NFIB: variants seen among roughly 807,000 people sequenced by gnomAD.
NFIB encodes nuclear factor I B.
In NFIB, 11 loss-of-function variants were observed where a neutral mutation model predicts 61.5. The observed-to-expected ratio is 0.18, with a 90% CI of 0.11 to 0.30. The LOEUF is 0.30. NFIB is among the 10% of genes least tolerant of loss of function. The pLI is 1.00. For synonymous variants in NFIB, 260 were observed against 216.5 expected, an observed-to-expected ratio of 1.20 and a Z score of -1.76; for missense variants, 471 against 608.9, an observed-to-expected ratio of 0.77 and a Z score of 2.38.
chr9:14,181,474 A>C (rs1445999445), intron 2 of NFIB, among the ~76,000 whole-genome samples: 3 of 152,202 alleles, frequency 2.0e-5, no homozygotes, highest in African/African-American at 7.2e-5. Context: ...TTCTGAAATC[A>C]AGGCAAGATT....
chr9:14,444,397 A>C, the NFIB span, among the ~76,000 whole-genome samples: 1 of 152,196 alleles, frequency 6.6e-6, no homozygotes, highest in African/African-American at 2.4e-5. Flanking sequence ...TCTAGAAGGT[A>C]ATGGCTAGAA....
the NFIB span, among the ~76,000 whole-genome samples, chr9:14,511,871 A>C: frequency 6.6e-6 from 1 of 152,180 alleles, no homozygotes; most frequent in Non-Finnish European, 1.5e-5. Context: ...TTCTTTTACC[A>C]TATAAAGTTC....
chr9:14,082,386 T>G lies in NFIB; in HGVS notation c.*5923A>C. On this transcript the variant is annotated 3_prime_UTR_variant, in exon 11 of 11. Coordinates refer to ENST00000380953, the MANE Select transcript of NFIB (RefSeq NM_001190737.2). ...GAAACACACAGTCCTACAAAAGTTG[T>G]TCTCAGAGAAATATCATTGAGGTGG... 1 of 203,216 alleles carries G rather than the reference T, an allele frequency of 4.9e-6. No homozygotes were observed. The highest frequency in any genetic ancestry group is 7.5e-5 in the East Asian group (1 of 13,270). 12.6% of individuals were successfully genotyped at this position (203,216 alleles called of 1,614,324 possible).
At chr9:14,184,263 G>A (rs1286266122) in intron 2 of NFIB, among the ~76,000 whole-genome samples, 2 of 152,154 alleles carry the variant, frequency 1.3e-5, no homozygotes, top group East Asian at 3.9e-4. Flanking sequence ...TCGTTATGAT[G>A]CAATCCTAAA....
the NFIB span, among the ~76,000 whole-genome samples, chr9:14,457,516 G>C: frequency 1.3e-5 from 2 of 150,396 alleles, no homozygotes; most frequent in African/African-American, 2.4e-5. Context: ...TAAGATCAGA[G>C]AAGAACTGAA....
intron 2 of NFIB, among the ~76,000 whole-genome samples, chr9:14,255,878 T>C (rs112465404): frequency 2.2e-4 from 33 of 152,330 alleles, no homozygotes; most frequent in African/African-American, 7.7e-4. Context: ...TGCTCCAGAA[T>C]CCACACACTA....
chr9:14,370,296 T>A (rs1479541853), intron 1 of NFIB, among the ~76,000 whole-genome samples: 1 of 152,228 alleles, frequency 6.6e-6, no homozygotes, highest in South Asian at 2.1e-4. Flanking sequence ...AAGTTAGTTA[T>A]TTGTATATTA....
intron 10 of NFIB, among the ~76,000 whole-genome samples, chr9:14,110,108 G>C (rs1240615597): frequency 2.6e-5 from 4 of 152,124 alleles, no homozygotes; most frequent in African/African-American, 9.6e-5. Flanking sequence ...ATCTTAATTT[G>C]ATAATGCTAG....
chr9:14,270,656 T>A (rs142772037), intron 2 of NFIB, among the ~76,000 whole-genome samples: 207 of 148,280 alleles, frequency 1.4e-3, no homozygotes, highest in African/African-American at 5.0e-3. Context: ...TCCACACATT[T>A]ACCTCCTACA....
At chr9:14,460,563 T>A in the NFIB span, among the ~76,000 whole-genome samples, 1 of 152,170 alleles carries the variant, frequency 6.6e-6, no homozygotes, top group Admixed American at 6.5e-5. Context: ...TAGATCTTAC[T>A]TGATTTGAAA....
At chr9:14,492,414 A>C in the NFIB span, among the ~76,000 whole-genome samples, 3 of 151,276 alleles carry the variant, frequency 2.0e-5, no homozygotes, top group East Asian at 5.8e-4. Flanking sequence ...AAAAGAAATA[A>C]ATAAAAAGAA....
chr9:14,390,821 C>T (rs1286398974), intron 1 of NFIB, among the ~76,000 whole-genome samples: 1 of 152,226 alleles, frequency 6.6e-6, no homozygotes, highest in African/African-American at 2.4e-5. Flanking sequence ...TGATCTGGGG[C>T]TTCCTGGCCT....
the NFIB span, among the ~76,000 whole-genome samples, chr9:14,417,774 G>T: frequency 1.4e-4 from 13 of 91,750 alleles, no homozygotes; most frequent in South Asian, 4.1e-4. Context: ...CCTAGGAACA[G>T]TTTTTTTTTT....
At chr9:14,481,996 T>C in the NFIB span, among the ~76,000 whole-genome samples, 32 of 152,166 alleles carry the variant, frequency 2.1e-4, no homozygotes, top group African/African-American at 7.5e-4. Context: ...TGAAAGTTAT[T>C]TACCTTCAGT....
chr9:14,247,725 A>T (rs1307087746), intron 2 of NFIB, among the ~76,000 whole-genome samples: 3 of 152,180 alleles, frequency 2.0e-5, no homozygotes, highest in Non-Finnish European at 4.4e-5. Context: ...AAAATACAGA[A>T]GTACATGGCC....
At chr9:14,404,705 G>C in the NFIB span, among the ~76,000 whole-genome samples, 9 of 152,118 alleles carry the variant, frequency 5.9e-5, no homozygotes, top group African/African-American at 2.2e-4. Flanking sequence ...AATCTGCTTT[G>C]GGCTTTGACT....
At chr9:14,230,834 G>T (rs1206055853) in intron 2 of NFIB, among the ~76,000 whole-genome samples, 2 of 152,048 alleles carry the variant, frequency 1.3e-5, no homozygotes, top group Non-Finnish European at 2.9e-5. Flanking sequence ...TTCACAATGT[G>T]CAAAGAATTG....
At chr9:14,457,576 T>TA in the NFIB span, among the ~76,000 whole-genome samples, 2 of 67,298 alleles carry the variant, frequency 3.0e-5, no homozygotes, top group African/African-American at 5.0e-5. Flanking sequence ...ATCCAGGAGC[T>TA]GGTTTTTTTT....
chr9:14,252,104 C>T (rs951365442), intron 2 of NFIB, among the ~76,000 whole-genome samples: 2 of 152,064 alleles, frequency 1.3e-5, no homozygotes, highest in African/African-American at 2.4e-5. Context: ...CCTTATCTTT[C>T]GGTGAGAGAA....
Sources: gnomAD v4.1 joint callset for allele counts (sites outside exome capture counted in the v4.1 genomes callset) on GRCh38, gnomAD v4.1.1 for gene constraint, MANE v1.5 for transcripts, NCBI Gene and HGNC (gene_info 2026-07-23, HGNC 2026-07-21) for gene names.